The following THBS2 variants were observed in gnomAD, a reference collection of about 807,000 sequenced individuals.
THBS2 encodes the protein thrombospondin 2, also known as thrombospondin-2.
THBS2 carries 47 observed loss-of-function variants against 135.2 expected under a neutral mutation model. The ratio of observed to expected loss-of-function variants is 0.35; its 90% confidence interval spans 0.28 to 0.44. The LOEUF (loss-of-function observed/expected upper bound fraction) is 0.44, where lower values mean the gene tolerates loss of function less well. Among genes scored for constraint, THBS2 ranks in the 20% least tolerant of loss-of-function variants. The probability of loss-of-function intolerance (pLI) is 1.00; values close to 1 mark genes in which losing one functional copy is unlikely to be tolerated. For synonymous variants in THBS2, 639 were observed against 633.8 expected (o/e 1.01, Z -0.12); for missense variants, 1,288 against 1,603.1 (o/e 0.80, Z 3.36).
intron 2 of THBS2, among the ~76,000 whole-genome samples, chr6:169,249,602 T>C (rs1780686317): frequency 6.6e-6 from 1 of 152,220 alleles, no homozygotes; most frequent in African/African-American, 2.4e-5. Context: ...AAATGTATTC[T>C]CCAACTCTTA....
Position 169,220,317 on chromosome 6 carries a change from T to C in THBS2, c.3392A>G (p.Lys1131Arg). Reference sequence around the variant, plus strand: ...AGGTCCTGAGTCTGCCATGACCTGTTTTCCTTCATGCACTAAGACTCTAAA... The same window carrying C: ...AGGTCCTGAGTCTGCCATGACCTGTCTTCCTTCATGCACTAAGACTCTAAA... ...GYIRVLVHEGKQVMADSGPIY... is the reference protein window; with the variant it reads ...GYIRVLVHEGRQVMADSGPIY... Residue 1131 changes from lysine (K) to arginine (R), a missense_variant, in exon 21 of 22, where the codon AAA (lysine) becomes AGA (arginine). Transcript: ENST00000617924. 1 of 1,612,978 alleles carries C rather than the reference T, an allele frequency of 6.2e-7. No individual in the cohort carries two copies.
intron 4 of THBS2, among the ~76,000 whole-genome samples, chr6:169,244,987 T>C (rs1371362660): frequency 2.0e-5 from 3 of 152,208 alleles, no homozygotes; most frequent in Non-Finnish European, 4.4e-5. Context: ...GGTTCTGAAG[T>C]AGGCGGTGGG....
At chr6:169,219,829 C>T (rs746885707) in intron 21 of THBS2, 1 of 506,862 alleles carries the variant, frequency 2.0e-6, no homozygotes, top group Non-Finnish European at 3.8e-6. Flanking sequence ...GAAACTCCTT[C>T]CTTCCTTCTT....
At chr6:169,245,032 C>T (rs1780495168) in intron 4 of THBS2, among the ~76,000 whole-genome samples, 1 of 152,264 alleles carries the variant, frequency 6.6e-6, no homozygotes, top group African/African-American at 2.4e-5. Flanking sequence ...GATACCAAAT[C>T]TCACATATTC....
At chr6:169,223,200 C>T (rs1457007456) in intron 18 of THBS2, 48 bp downstream of exon 18, 2 of 1,569,586 alleles carry the variant, frequency 1.3e-6, no homozygotes, top group Non-Finnish European at 8.7e-7. Context: ...TCTGTGGGCG[C>T]CTCCCCCGGA....
chr6:169,228,027 G>C (rs1251561105), intron 15 of THBS2, 95 bp downstream of exon 15: 1 of 1,435,144 alleles, frequency 7.0e-7, no homozygotes, highest in Non-Finnish European at 9.3e-7. Context: ...ATCGCAGTGA[G>C]CCAAGATGGT....
chr6:169,239,565 A>C lies in THBS2; in HGVS notation c.1129+34T>G, dbSNP rs35223842. On this transcript the variant is annotated intron_variant, in intron 7 of 21. Transcript: ENST00000617924. ...ACAAACAAGCATGGAATTCCTAAAA[A>C]TGCAGGATGCGCTTGCCGGCTGGCG... is the stretch of plus-strand genomic sequence containing the variant. 3.2e-5 allele frequency: 49 copies of C among 1,543,596 alleles called. No individual in the cohort carries two copies. In the African/African-American group the frequency reaches 5.0e-4, roughly 16 times the overall value.
rs769368173 is a variant in THBS2, at chr6:169,226,229, C to T, written c.2489G>A (p.Gly830Asp). 2.5e-6 allele frequency: 4 copies of T among 1,614,172 alleles called. No homozygotes were observed. The South Asian group carries it at 4.4e-5, about 18-fold the overall frequency. Residue 830 changes from glycine to aspartate, a missense_variant, in exon 16 of 22, where the codon GGT becomes GAT. Coordinates refer to ENST00000617924, the MANE Select transcript of THBS2 (RefSeq NM_003247.5). ...GCAGTTGTCACAGTGATCCCCCACA[C>T]CGTCACCATCCGTGTCCCTCTGGTC... ...NTDQRDTDGD[G>D]VGDHCDNCPL... is the part of the protein sequence containing the mutation.
At chr6:169,218,747 AGATG>A (rs148966325) in intron 21 of THBS2, among the ~76,000 whole-genome samples, 3,035 of 100,150 alleles carry the variant, frequency 0.03, 100 homozygotes, top group East Asian at 0.091. Flanking sequence ...TGGGTGGATG[AGATG>A]GATGGATGGG....
intron 4 of THBS2, among the ~76,000 whole-genome samples, chr6:169,243,702 A>G (rs1780454809): frequency 6.6e-6 from 1 of 152,182 alleles, no homozygotes; most frequent in South Asian, 2.1e-4. Context: ...AACCTAGGGT[A>G]TTTGTTTTTC....
chr6:169,220,136 T>A, intron 21 of THBS2, 62 bp downstream of exon 21: 1 of 1,581,512 alleles, frequency 6.3e-7, no homozygotes, highest in Non-Finnish European at 8.6e-7. Flanking sequence ...GCGCACTGTG[T>A]ACCCCTTTCC....
rs1780781057 is a variant in THBS2, at chr6:169,252,246, AG to A, written c.-22-1441del. The A allele has an allele frequency of 6.6e-6, 1 of 152,200 alleles. No individual in the cohort carries two copies. Among genetic ancestry groups the A allele is most frequent in the South Asian group, 2.1e-4 (1 of 4,816 alleles). The allele number at this position is 152,200 out of a possible 1,614,324, so 9.4% of individuals were successfully genotyped here. On this transcript the variant is annotated intron_variant, in intron 1 of 21. Transcript: ENST00000617924. The surrounding 1 kb of genome is among the most constrained non-coding windows in gnomAD (Gnocchi z 4.3). ...AGGGCCTTTCTATGGAGCTCTTAAGAGGGTTTAATGACAGGAGCGAACACTT... is the reference window on the plus strand; with the variant it reads ...AGGGCCTTTCTATGGAGCTCTTAAGAGGTTTAATGACAGGAGCGAACACTT...
intron 4 of THBS2, among the ~76,000 whole-genome samples, chr6:169,243,163 T>A (rs1484862756): frequency 8.5e-6 from 1 of 117,592 alleles, no homozygotes; most frequent in South Asian, 3.4e-4. Flanking sequence ...CCTTCCCACA[T>A]TCCCACCTCT....
intron 9 of THBS2, among the ~76,000 whole-genome samples, chr6:169,236,810 ACACT>A (rs1780108768): frequency 9.1e-6 from 1 of 109,362 alleles, no homozygotes; most frequent in Non-Finnish European, 1.9e-5. Flanking sequence ...ACTCCCATCC[ACACT>A]CACTCCCCGT....
intron 4 of THBS2, among the ~76,000 whole-genome samples, chr6:169,242,651 A>G (rs71552384): frequency 0.033 from 235 of 7,030 alleles, 3 homozygotes; most frequent in African/African-American, 0.092. Context: ...CCTTCCCACC[A>G]CTCCCACCTT....
rs374312848 is a variant in THBS2, at chr6:169,252,416, G to A, written c.-23+1308C>T. On this transcript the variant is annotated intron_variant, in intron 1 of 21. Coordinates refer to ENST00000617924, the MANE Select transcript of THBS2 (RefSeq NM_003247.5). This position sits in a 1 kb window ranked among gnomAD's most constrained non-coding sequence, Gnocchi z 4.3. ...TGCCGGGTACGTCGCAGTCCCCTAAGGACAGCTGTGTGGGGCTGGCCCTGC... is the reference window on the plus strand; with the variant it reads ...TGCCGGGTACGTCGCAGTCCCCTAAAGACAGCTGTGTGGGGCTGGCCCTGC... Among the ~76,000 whole-genome samples the A allele has an allele frequency of 9.2e-5, 14 of 152,310 alleles. No homozygotes were observed. Among genetic ancestry groups the A allele is most frequent in the Middle Eastern group, 6.8e-3 (2 of 294 alleles).
intron 13 of THBS2, among the ~76,000 whole-genome samples, chr6:169,229,930 T>C (rs1233781848): frequency 1.3e-5 from 2 of 152,022 alleles, no homozygotes; most frequent in South Asian, 2.1e-4. Flanking sequence ...GAGCCCAGAA[T>C]CCCAGTGAGG....
Position 169,234,754 on chromosome 6 carries a change from T to C in THBS2, c.1631A>G (p.Asn544Ser), listed in dbSNP as rs751175408. 2.5e-6 allele frequency: 4 copies of C among 1,589,740 alleles called. No individual in the cohort carries two copies. Among genetic ancestry groups the C allele is most frequent in the South Asian group, 2.2e-5 (2 of 89,268 alleles). Residue 544 changes from asparagine to serine, a missense_variant, in exon 10 of 22, where the codon AAC becomes AGC. Physicochemically the swap from Asn to Ser is conservative, Grantham distance 46. Around this residue, in one of 2 missense-constraint regions of THBS2, gnomAD observed 874 missense variants for 1,156.1 expected, o/e 0.76. Coordinates refer to ENST00000617924, the MANE Select transcript of THBS2 (RefSeq NM_003247.5). ...CTCACCCACGGGGCAGCTCCTCTTGTTGCACATCTGACGCTCCTGCACATC... is the reference window on the plus strand; with the variant it reads ...CTCACCCACGGGGCAGCTCCTCTTGCTGCACATCTGACGCTCCTGCACATC... ...VGDVQERQMC[N>S]KRSCPVDGCL... is the part of the protein sequence containing the mutation.
intron 3 of THBS2, among the ~76,000 whole-genome samples, chr6:169,246,914 G>A (rs1023825316): frequency 1.3e-5 from 2 of 152,188 alleles, no homozygotes; most frequent in Non-Finnish European, 2.9e-5. Flanking sequence ...ACACCATTGT[G>A]ATTCTAAAGA....
Sources: gnomAD v4.1 joint callset for allele counts (sites outside exome capture counted in the v4.1 genomes callset) on GRCh38, gnomAD v4.1.1 for gene constraint, gnomAD v4.1.1 regional missense constraint, Gnocchi (gnomAD v3.1) non-coding constraint, MANE v1.5 for transcripts, NCBI Gene and HGNC (gene_info 2026-07-23, HGNC 2026-07-21) for gene names.